Variants in SLIT2 observed in about 807,000 individuals in gnomAD.
SLIT2 encodes the protein slit guidance ligand 2, also known as slit homolog 2 protein.
In SLIT2, 41 loss-of-function variants were observed where a neutral mutation model predicts 185.7. The observed-to-expected ratio is 0.22, with a 90% CI of 0.17 to 0.29. SLIT2 has a LOEUF of 0.29. Among genes scored for constraint, SLIT2 ranks in the 10% least tolerant of loss-of-function variants. SLIT2 has a pLI of 1.00. For synonymous variants in SLIT2, 693 were observed against 680.2 expected (o/e 1.02, Z -0.29); for missense variants, 1,571 against 1,909.0 (o/e 0.82, Z 3.30).
At chr4:20,338,627 A>T (rs1305430441) in intron 4 of SLIT2, among the ~76,000 whole-genome samples, 1 of 152,202 alleles carries the variant, frequency 6.6e-6, no homozygotes, top group African/African-American at 2.4e-5. Context: ...ATGACTGCAT[A>T]TGTTCAGGAA....
chr4:20,414,875 G>C (rs1298484965), intron 4 of SLIT2, among the ~76,000 whole-genome samples: 1 of 152,008 alleles, frequency 6.6e-6, no homozygotes, highest in African/African-American at 2.4e-5. Flanking sequence ...ATCTTACTTG[G>C]AGTTTGTTGA....
chr4:20,601,898 T>C (rs1329736270), intron 33 of SLIT2, among the ~76,000 whole-genome samples: 1 of 152,234 alleles, frequency 6.6e-6, no homozygotes, highest in Non-Finnish European at 1.5e-5. Context: ...GTTTTCCAAA[T>C]TTTGCATTAT....
chr4:20,331,028 C>G (rs893126994), intron 4 of SLIT2, among the ~76,000 whole-genome samples: 1 of 152,002 alleles, frequency 6.6e-6, no homozygotes, highest in Non-Finnish European at 1.5e-5. Flanking sequence ...ACTAAATTTC[C>G]GTATCTAACA....
At chr4:20,480,973 T>C (rs906010875) in intron 6 of SLIT2, among the ~76,000 whole-genome samples, 186 bp downstream of exon 6, 1 of 152,108 alleles carries the variant, frequency 6.6e-6, no homozygotes, top group Non-Finnish European at 1.5e-5. Context: ...GCGTACCATA[T>C]CTGTATATTT....
At chr4:20,431,901 G>C (rs1181864593) in intron 4 of SLIT2, among the ~76,000 whole-genome samples, 1 of 152,090 alleles carries the variant, frequency 6.6e-6, no homozygotes, top group Non-Finnish European at 1.5e-5. Flanking sequence ...CTTGATTATT[G>C]TAAGACATTC....
At chr4:20,489,521 C>T (rs1440181353) in intron 8 of SLIT2, among the ~76,000 whole-genome samples, 1 of 152,246 alleles carries the variant, frequency 6.6e-6, no homozygotes, top group African/African-American at 2.4e-5. Flanking sequence ...CTGTGGCCCA[C>T]GCCTGTAATC....
intron 11 of SLIT2, among the ~76,000 whole-genome samples, chr4:20,515,628 C>T (rs552061046): frequency 7.1e-4 from 108 of 152,244 alleles, no homozygotes; most frequent in African/African-American, 2.4e-3. Context: ...TTTATCTTTA[C>T]TGTACTCTTC....
At chr4:20,594,761 GT>G (rs773273670) in intron 30 of SLIT2, among the ~76,000 whole-genome samples, 3 of 152,156 alleles carry the variant, frequency 2.0e-5, no homozygotes, top group Non-Finnish European at 2.9e-5. Context: ...TAGTGCAGTG[GT>G]TAGAAATACA....
intron 29 of SLIT2, among the ~76,000 whole-genome samples, chr4:20,580,415 G>C (rs1184378585): frequency 9.5e-6 from 1 of 105,602 alleles, no homozygotes; most frequent in Non-Finnish European, 2.4e-5. Context: ...TTATACGTGT[G>C]TGTGTGTGTG....
At chr4:20,436,578 T>A (rs1729356595) in intron 4 of SLIT2, among the ~76,000 whole-genome samples, 1 of 152,240 alleles carries the variant, frequency 6.6e-6, no homozygotes, top group South Asian at 2.1e-4. Context: ...ACATAAAACA[T>A]CAAATTAATT....
intron 33 of SLIT2, among the ~76,000 whole-genome samples, chr4:20,599,880 G>A (rs1728278954): frequency 6.6e-6 from 1 of 152,160 alleles, no homozygotes; most frequent in Non-Finnish European, 1.5e-5. Flanking sequence ...TTAAAAGTCT[G>A]CACATCTTAT....
chr4:20,536,472 T>G (rs1199398918), intron 18 of SLIT2, among the ~76,000 whole-genome samples: 1 of 150,260 alleles, frequency 6.7e-6, no homozygotes, highest in Non-Finnish European at 1.5e-5. Flanking sequence ...ACAGAAGAAT[T>G]GCTTGAACCC....
intron 9 of SLIT2, among the ~76,000 whole-genome samples, chr4:20,496,376 A>G (rs773427666): frequency 2.0e-5 from 3 of 152,192 alleles, no homozygotes; most frequent in Non-Finnish European, 4.4e-5. Context: ...AAATACTTGC[A>G]ATGTTGGATT....
intron 4 of SLIT2, among the ~76,000 whole-genome samples, chr4:20,271,288 A>T (rs1026127775): frequency 2.6e-5 from 4 of 151,050 alleles, no homozygotes; most frequent in African/African-American, 9.7e-5. Context: ...TAGGACAAGG[A>T]AAGTATTTGA....
intron 4 of SLIT2, among the ~76,000 whole-genome samples, chr4:20,308,297 G>A (rs1232373742): frequency 2.0e-5 from 3 of 152,160 alleles, no homozygotes; most frequent in African/African-American, 7.2e-5. Context: ...TAAAACGAGT[G>A]GAAAATGCCA....
At chr4:20,478,051 G>A (rs567684532) in intron 5 of SLIT2, among the ~76,000 whole-genome samples, 2 of 152,270 alleles carry the variant, frequency 1.3e-5, no homozygotes, top group Admixed American at 6.5e-5. Context: ...TTGTTGCATA[G>A]TTTTGACACT....
At chr4:20,586,695 T>C (rs1045995777) in intron 29 of SLIT2, among the ~76,000 whole-genome samples, 1 of 152,208 alleles carries the variant, frequency 6.6e-6, no homozygotes, top group Admixed American at 6.5e-5. Context: ...ACCATGTATA[T>C]GTCATAAGAT....
intron 4 of SLIT2, among the ~76,000 whole-genome samples, chr4:20,299,466 A>G (rs1182318194): frequency 6.6e-6 from 1 of 152,156 alleles, no homozygotes; most frequent in Non-Finnish European, 1.5e-5. Flanking sequence ...TTGTGATATT[A>G]TATACCTCAT....
chr4:20,589,393 G>C (rs1727323582), intron 29 of SLIT2, among the ~76,000 whole-genome samples: 1 of 152,074 alleles, frequency 6.6e-6, no homozygotes, highest in Admixed American at 6.6e-5. Context: ...ATATTCTGAG[G>C]GTGCTCATAT....
Sources: allele counts gnomAD v4.1 joint callset (sites outside exome capture counted in the v4.1 genomes callset), GRCh38; gene constraint gnomAD v4.1.1; transcripts MANE v1.5; gene names NCBI Gene and HGNC (gene_info 2026-07-23, HGNC 2026-07-21).